The following MYRFL variants were observed in gnomAD, a reference collection of about 807,000 sequenced individuals.
MYRFL encodes myelin regulatory factor-like protein.
In MYRFL, 88 loss-of-function variants were observed where a neutral mutation model predicts 109.4. The observed-to-expected ratio is 0.80, with a 90% confidence interval of 0.68 to 0.96. The LOEUF (loss-of-function observed/expected upper bound fraction) is 0.96. Ranked by LOEUF, MYRFL falls within the 40% of genes least tolerant of loss-of-function variation. The pLI is 0.00. For synonymous variants in MYRFL, 324 were observed against 320.9 expected, an observed-to-expected ratio of 1.01 and a Z score of -0.10; for missense variants, 957 against 954.9, an observed-to-expected ratio of 1.00 and a Z score of -0.03.
chr12:69,853,187 C>T (rs1002463136), intron 1 of MYRFL, among the ~76,000 whole-genome samples: 39 of 150,756 alleles, frequency 2.6e-4, no homozygotes, highest in Non-Finnish European at 4.3e-4. Context: ...CCCCATCTCC[C>T]GGACGGGGCA....
intron 19 of MYRFL, among the ~76,000 whole-genome samples, chr12:69,949,744 A>G (rs1304830426): frequency 6.6e-6 from 1 of 151,900 alleles, no homozygotes; most frequent in Non-Finnish European, 1.5e-5. Context: ...TGGCCTAGGG[A>G]AGCCAGAAGA....
Position 69,825,288 on chromosome 12 carries a change from AT to A in MYRFL, c.-222del, listed in dbSNP as rs753134125. On this transcript the variant is annotated 5_prime_UTR_variant, in exon 1 of 25. An upstream open reading frame in the 5' UTR loses its in-frame stop. Coordinates refer to ENST00000552032, the MANE Select transcript of MYRFL (RefSeq NM_182530.3). ...TTTGCTACCTCTTCCCTCTTCATGA[AT>A]TTTTTTTAAATGTATGGTTGTATAT... The A allele has an allele frequency of 2.2e-5, 15 of 674,656 alleles. No homozygotes were observed. Among genetic ancestry groups the A allele is most frequent in the Non-Finnish European group, 3.2e-5 (12 of 372,050 alleles). 41.8% of individuals were successfully genotyped at this position (674,656 alleles called of 1,614,324 possible). A position where few individuals can be genotyped will look rare whatever the true frequency, so the allele number is the denominator to read the frequency against.
intron 19 of MYRFL, among the ~76,000 whole-genome samples, chr12:69,940,907 T>G (rs1422870740): frequency 4.1e-5 from 4 of 98,736 alleles, no homozygotes; most frequent in South Asian, 4.4e-4. Flanking sequence ...AAACAGACTT[T>G]AAACCAACAA....
intron 5 of MYRFL, among the ~76,000 whole-genome samples, chr12:69,883,426 C>T (rs1217975539): frequency 6.6e-6 from 1 of 151,926 alleles, no homozygotes. Flanking sequence ...AATCACAAAC[C>T]AAAAAGATAC....
chr12:69,876,462 A>C (rs1885669501), intron 2 of MYRFL, among the ~76,000 whole-genome samples: 1 of 151,402 alleles, frequency 6.6e-6, no homozygotes, highest in African/African-American at 2.4e-5. Flanking sequence ...TTTAATCATC[A>C]TATAAGAAGG....
At chr12:69,891,418 C>T (rs1206144832) in intron 7 of MYRFL, among the ~76,000 whole-genome samples, 1 of 152,194 alleles carries the variant, frequency 6.6e-6, no homozygotes, top group East Asian at 1.9e-4. Flanking sequence ...TGGCCATCAG[C>T]TGGAGCTCAA....
At chr12:69,891,607 C>T (rs200137137) in intron 7 of MYRFL, among the ~76,000 whole-genome samples, 64 of 82,906 alleles carry the variant, frequency 7.7e-4, no homozygotes, top group African/African-American at 2.9e-3. Context: ...CTTTCTTTCT[C>T]TTTCTTTCTT....
At chr12:69,847,223 T>C (rs1172381283) in intron 1 of MYRFL, among the ~76,000 whole-genome samples, 5 of 152,098 alleles carry the variant, frequency 3.3e-5, no homozygotes. Flanking sequence ...CCTTTTGTTG[T>C]TGGGTGCTAA....
At chr12:69,875,197 A>T in intron 2 of MYRFL, among the ~76,000 whole-genome samples, 2 of 145,268 alleles carry the variant, frequency 1.4e-5, no homozygotes, top group African/African-American at 2.6e-5. Context: ...TTTAAAGTTC[A>T]TTTTTTTCCT....
At chr12:69,830,478 G>GAT (rs1374484182) in intron 1 of MYRFL, among the ~76,000 whole-genome samples, 2 of 147,792 alleles carry the variant, frequency 1.4e-5, no homozygotes, top group Non-Finnish European at 3.0e-5. Flanking sequence ...GATATATAGA[G>GAT]ATATCTATAT....
chr12:69,934,179 C>T (rs77764556), intron 16 of MYRFL, among the ~76,000 whole-genome samples: 12 of 152,300 alleles, frequency 7.9e-5, no homozygotes, highest in African/African-American at 2.4e-4. Flanking sequence ...TCAGCCTTTT[C>T]GCTGGACTCA....
At chr12:69,957,502 G>T (rs187759763) in intron 22 of MYRFL, among the ~76,000 whole-genome samples, 9 of 152,232 alleles carry the variant, frequency 5.9e-5, no homozygotes, top group Admixed American at 4.6e-4. Context: ...GAGGCGTTAG[G>T]GTTGCTTGAG....
At chr12:69,940,165 A>C (rs142185027) in intron 19 of MYRFL, among the ~76,000 whole-genome samples, 14,641 of 152,156 alleles carry the variant, frequency 0.096, 984 homozygotes, top group Middle Eastern at 0.18. Flanking sequence ...CAATCTAGCA[A>C]GGCAGGCCAA....
chr12:69,889,120 A>C (rs1886635878), intron 6 of MYRFL, among the ~76,000 whole-genome samples: 1 of 152,066 alleles, frequency 6.6e-6, no homozygotes, highest in Non-Finnish European at 1.5e-5. Flanking sequence ...ATTCATTATA[A>C]TAGCAGCCAT....
At chr12:69,917,829 C>T (rs985989303) in intron 13 of MYRFL, among the ~76,000 whole-genome samples, 1 of 150,790 alleles carries the variant, frequency 6.6e-6, no homozygotes, top group Non-Finnish European at 1.5e-5. Flanking sequence ...TTAAGGAAAT[C>T]TGAAGGAGAA....
At chr12:69,837,400 T>A (rs75293713) in intron 1 of MYRFL, among the ~76,000 whole-genome samples, 4,995 of 152,208 alleles carry the variant, frequency 0.033, 102 homozygotes, top group Non-Finnish European at 0.048. Flanking sequence ...CCTAACCCCC[T>A]GCTTGGATGT....
chr12:69,890,540 C>T (rs971032298), intron 6 of MYRFL, among the ~76,000 whole-genome samples: 1 of 152,154 alleles, frequency 6.6e-6, no homozygotes, highest in African/African-American at 2.4e-5. Context: ...TGAAACCCAG[C>T]CTGGCCAACA....
intron 6 of MYRFL, among the ~76,000 whole-genome samples, chr12:69,889,574 G>C (rs1380046300): frequency 6.6e-6 from 1 of 152,128 alleles, no homozygotes; most frequent in Admixed American, 6.5e-5. Context: ...TTTTGGATCG[G>C]CTGGGCGCAG....
At chr12:69,886,443 T>C (rs1031713481) in intron 5 of MYRFL, among the ~76,000 whole-genome samples, 3 of 152,180 alleles carry the variant, frequency 2.0e-5, no homozygotes, top group Admixed American at 6.5e-5. Context: ...ACTGATGCAA[T>C]TACTGATGCA....
Sources: allele counts gnomAD v4.1 joint callset (sites outside exome capture counted in the v4.1 genomes callset), GRCh38; gene constraint gnomAD v4.1.1; transcripts MANE v1.5; gene names NCBI Gene and HGNC (gene_info 2026-07-23, HGNC 2026-07-21).